ITSN1: variants seen among roughly 807,000 people sequenced by gnomAD.
ITSN1 encodes intersectin-1.
A neutral mutation model predicts 239.8 loss-of-function variants in ITSN1; 58 were observed. That is an observed-to-expected ratio of 0.24 (90% CI 0.20 to 0.30). The LOEUF is 0.30. ITSN1 is among the 10% of genes least tolerant of loss of function. The probability of loss-of-function intolerance (pLI) is 1.00; values close to 1 mark genes in which losing one functional copy is unlikely to be tolerated. For synonymous variants in ITSN1, 780 were observed against 770.8 expected (o/e 1.01, Z -0.20); for missense variants, 1,558 against 2,103.3 (o/e 0.74, Z 5.07).
chr21:33,768,731 G>T (rs974116690), intron 11 of ITSN1, among the ~76,000 whole-genome samples: 1 of 152,208 alleles, frequency 6.6e-6, no homozygotes, highest in Non-Finnish European at 1.5e-5. Context: ...TACTTTGTCA[G>T]TGTCATTTTG....
intron 4 of ITSN1, among the ~76,000 whole-genome samples, chr21:33,723,217 C>T (rs946499261): frequency 6.6e-6 from 1 of 152,138 alleles, no homozygotes; most frequent in African/African-American, 2.4e-5. Context: ...GAGAGCCATG[C>T]TGAATTCTGT....
At chr21:33,722,343 A>G (rs1382354093) in intron 3 of ITSN1, among the ~76,000 whole-genome samples, 1 of 152,252 alleles carries the variant, frequency 6.6e-6, no homozygotes, top group East Asian at 1.9e-4. Context: ...GATTAATTAA[A>G]GTGGAAAATC....
chr21:33,783,517 A>G (rs767047266), intron 16 of ITSN1, among the ~76,000 whole-genome samples: 2 of 152,146 alleles, frequency 1.3e-5, no homozygotes, highest in African/African-American at 2.4e-5. Context: ...TGTACACTAT[A>G]TATGTTCTAT....
At position 33,782,075 on chromosome 21, in the gene ITSN1, T is replaced by C; in HGVS notation, c.1766T>C (p.Val589Ala). The stretch of plus-strand genomic sequence containing the variant: ...CACCTACGAGACCAACTGGATGAAG[T>C]GGAGAAAGAAACTAGATCAAAACTA... ...RQHLRDQLDE[V>A]EKETRSKLQE... The change falls in exon 16 of 40, where the codon GTG becomes GCG. Residue 589 changes from valine to alanine, a missense_variant. By Grantham distance (64) the Val-to-Ala change is moderately conservative. Transcript: ENST00000381318. 6.2e-7 allele frequency: 1 copy of C among 1,613,736 alleles called. No homozygotes were observed. The highest frequency in any genetic ancestry group is 1.1e-5 in the South Asian group (1 of 91,042).
At chr21:33,718,726 C>G in intron 1 of ITSN1, 71 bp from the exon 2 acceptor site, 3 of 936,730 alleles carry the variant, frequency 3.2e-6, no homozygotes, top group Non-Finnish European at 5.2e-6. Context: ...TTAAAGATAG[C>G]ATGTTGGTGT....
At chr21:33,731,720 T>A (rs750963045) in intron 4 of ITSN1, among the ~76,000 whole-genome samples, 3 of 152,190 alleles carry the variant, frequency 2.0e-5, no homozygotes, top group African/African-American at 7.2e-5. Context: ...TGTGATCGGA[T>A]TGGTAATTAC....
At chr21:33,781,961 T>G (rs1418808699) in intron 15 of ITSN1, 33 bp from the exon 16 acceptor site, 1 of 1,560,346 alleles carries the variant, frequency 6.4e-7, no homozygotes, top group Non-Finnish European at 8.7e-7. Flanking sequence ...AAATTAAAGT[T>G]TTTCTTATCT....
chr21:33,698,493 T>A (rs2091889052), intron 1 of ITSN1, among the ~76,000 whole-genome samples: 1 of 152,230 alleles, frequency 6.6e-6, no homozygotes, highest in Admixed American at 6.5e-5. Flanking sequence ...TTTTATCAGG[T>A]TCTTTATCCT....
At chr21:33,677,978 G>A (rs1490571644) in intron 1 of ITSN1, among the ~76,000 whole-genome samples, 4 of 152,308 alleles carry the variant, frequency 2.6e-5, no homozygotes, top group South Asian at 2.1e-4. Context: ...AGCTTCTACA[G>A]TGTAAATAAG....
At chr21:33,850,844 G>A (rs1258010392) in intron 29 of ITSN1, among the ~76,000 whole-genome samples, 1 of 152,140 alleles carries the variant, frequency 6.6e-6, no homozygotes, top group Non-Finnish European at 1.5e-5. Flanking sequence ...AGATTAATTT[G>A]CCCAGGAGAA....
rs564017776 is a variant in ITSN1 at position 33,749,121 on chromosome 21, T to A, written c.347-1022T>A. On this transcript the variant is annotated intron_variant, in intron 5 of 39. Transcript: ENST00000381318. The stretch of plus-strand genomic sequence containing the variant: ...CTCCCACCTCAGCCTTCCATGTAGC[T>A]AGGCCTACAGGCGGGTACCACCATG... Among the ~76,000 whole-genome samples the A allele has an allele frequency of 2.0e-5, 3 of 152,000 alleles. No homozygotes were observed. In the East Asian group the frequency reaches 5.9e-4, roughly 30 times the overall value.
intron 33 of ITSN1, among the ~76,000 whole-genome samples, chr21:33,874,511 C>T (rs1983349195): frequency 1.3e-5 from 2 of 152,170 alleles, no homozygotes; most frequent in Admixed American, 1.3e-4. Context: ...CATCAAATGC[C>T]AGAATTGCAT....
intron 7 of ITSN1, among the ~76,000 whole-genome samples, chr21:33,752,825 A>T (rs1161234640): frequency 3.4e-5 from 3 of 88,050 alleles, no homozygotes; most frequent in East Asian, 7.5e-4. Context: ...GAGCCTGCCT[A>T]AAAAAAAAAA....
In ITSN1 at chr21:33,723,417, A is replaced by G. The variant is rs544469554; in HGVS notation, c.185+766A>G. 1.4e-4 allele frequency among the ~76,000 whole-genome samples: 21 copies of G among 152,298 alleles called. 2 individuals are homozygous for G. Among genetic ancestry groups the G allele is most frequent in the Admixed American group, 1.4e-3 (21 of 15,296 alleles). ...ATCACGAGGTCAGGAGATGGAGACC[A>G]TCCTGGATAACACGGTGAAACCCCA... is the stretch of plus-strand genomic sequence containing the variant. On this transcript the variant is annotated intron_variant, in intron 4 of 39. Coordinates refer to ENST00000381318, the MANE Select transcript of ITSN1 (RefSeq NM_003024.3).
At chr21:33,745,830 G>A (rs1165468760) in intron 5 of ITSN1, among the ~76,000 whole-genome samples, 4 of 152,182 alleles carry the variant, frequency 2.6e-5, no homozygotes, top group African/African-American at 9.7e-5. Context: ...CATGTGTCGC[G>A]GAGACCAGGG....
chr21:33,795,516 T>A (rs1291644412), intron 17 of ITSN1, among the ~76,000 whole-genome samples: 2 of 152,146 alleles, frequency 1.3e-5, no homozygotes, highest in Non-Finnish European at 2.9e-5. Flanking sequence ...TGGGCTGAGT[T>A]CAGTTAACCT....
chr21:33,811,400 T>A (rs1160364220), intron 21 of ITSN1, among the ~76,000 whole-genome samples, 178 bp downstream of exon 21: 1 of 152,246 alleles, frequency 6.6e-6, no homozygotes, highest in Non-Finnish European at 1.5e-5. Flanking sequence ...GAACTGGATT[T>A]AATGATATCA....
At position 33,897,687 on chromosome 21, in the gene ITSN1, CTTG is replaced by C. The variant is rs1569361117; in HGVS notation, c.*9390_*9392del. The C allele has an allele frequency of 6.6e-6, 1 of 152,012 alleles. No homozygotes were observed. The highest frequency in any genetic ancestry group is 2.4e-5 in the African/African-American group (1 of 41,368). 9.4% of individuals were successfully genotyped at this position (152,012 alleles called of 1,614,324 possible). On this transcript the variant is annotated 3_prime_UTR_variant, in exon 40 of 40. Transcript: ENST00000381318. ...AGATTCTGTAGTCAAAAATATTTAA[CTTG>C]TTATTGTAAAATGTGATTTGTCATT...
chr21:33,872,664 T>C (rs1034244587), intron 33 of ITSN1, among the ~76,000 whole-genome samples: 5 of 152,186 alleles, frequency 3.3e-5, no homozygotes, highest in Admixed American at 2.6e-4. Flanking sequence ...TCTGAGTAGC[T>C]GAAACCACAG....
Sources: allele counts gnomAD v4.1 joint callset (sites outside exome capture counted in the v4.1 genomes callset), GRCh38; gene constraint gnomAD v4.1.1; transcripts MANE v1.5; gene names NCBI Gene and HGNC (gene_info 2026-07-23, HGNC 2026-07-21).